The following ZNF384 variants were observed in gnomAD, a reference collection of about 807,000 sequenced individuals.
ZNF384 encodes zinc finger protein 384.
In ZNF384, 20 loss-of-function variants were observed where a neutral mutation model predicts 65.0. The ratio of observed to expected loss-of-function variants is 0.31; its 90% confidence interval spans 0.22 to 0.45. The LOEUF (loss-of-function observed/expected upper bound fraction) is 0.45. Ranked by LOEUF, ZNF384 falls within the 20% of genes least tolerant of loss-of-function variation. The probability of loss-of-function intolerance (pLI) is 1.00; values close to 1 mark genes in which losing one functional copy is unlikely to be tolerated. For missense variants in ZNF384, 549 were observed against 769.4 expected, an observed-to-expected ratio of 0.71 and a Z score of 3.39; for synonymous variants, 310 against 303.9, an observed-to-expected ratio of 1.02 and a Z score of -0.21.
intron 2 of ZNF384, among the ~76,000 whole-genome samples, chr12:6,686,343 T>A (rs1957902156): frequency 1.3e-5 from 2 of 152,176 alleles, no homozygotes; most frequent in African/African-American, 4.8e-5. Flanking sequence ...AACCTCCACC[T>A]CCTGGGTTCA....
chr12:6,680,640 T>G (rs1955570875), intron 2 of ZNF384, among the ~76,000 whole-genome samples: 1 of 142,774 alleles, frequency 7.0e-6, no homozygotes, highest in South Asian at 2.2e-4. Flanking sequence ...AGAGCAAAAT[T>G]CCGTCTCAAA....
rs150282146 is a variant in ZNF384 at position 6,678,269 on chromosome 12, C to T, written c.544G>A (p.Gly182Arg). The T allele has an allele frequency of 1.9e-6, 3 of 1,614,032 alleles. No individual in the cohort carries two copies. The highest frequency in any genetic ancestry group is 2.5e-6 in the Non-Finnish European group (3 of 1,180,042). Residue 182 changes from glycine to arginine, a missense_variant, in exon 6 of 12, where the codon GGA becomes AGA. By Grantham distance (125) the Gly-to-Arg change is moderately radical (BLOSUM62 -2). Around this residue, in one of 5 missense-constraint regions of ZNF384, gnomAD observed 277 missense variants for 337.2 expected, o/e 0.82. Coordinates refer to ENST00000683879, the MANE Select transcript of ZNF384 (RefSeq NM_001385745.1). This position sits in a 1 kb window ranked among gnomAD's most constrained non-coding sequence, Gnocchi z 4.9. ...GGCTTAGGAGCCACACTGCCACCTCCACCACCACCTCCGCCTCCTTCCTCG... is the reference window on the plus strand; with the variant it reads ...GGCTTAGGAGCCACACTGCCACCTCTACCACCACCTCCGCCTCCTTCCTCG... ...LTEEGGGGGG[G>R]GGSVAPKPPR...
chr12:6,681,153 A>C (rs1955780074), intron 2 of ZNF384, among the ~76,000 whole-genome samples: 2 of 147,732 alleles, frequency 1.4e-5, no homozygotes, highest in Admixed American at 6.9e-5. Flanking sequence ...CAGGAGGCGG[A>C]GGTTGCAGTG....
chr12:6,678,098 C>G lies in ZNF384; in HGVS notation c.686+29G>C. The G allele has an allele frequency of 6.3e-7, 1 of 1,584,518 alleles. No individual in the cohort carries two copies. The highest frequency in any genetic ancestry group is 8.6e-7 in the Non-Finnish European group (1 of 1,159,424). On this transcript the variant is annotated intron_variant, in intron 6 of 11. Coordinates refer to ENST00000683879, the MANE Select transcript of ZNF384 (RefSeq NM_001385745.1). The surrounding 1 kb of genome is among the most constrained non-coding windows in gnomAD (Gnocchi z 4.9). ...GAATCACCAAGCCAGGGATCCTCGC[C>G]CCATCCTGCCCCTGGCTCTGAGTCT...
chr12:6,678,244 G>C lies in ZNF384; in HGVS notation c.569C>G (p.Pro190Arg). The C allele has an allele frequency of 6.2e-7, 1 of 1,614,148 alleles. No individual in the cohort carries two copies. The highest frequency in any genetic ancestry group is 1.3e-5 in the African/African-American group (1 of 75,046). The change falls in exon 6 of 12, where the codon CCA becomes CGA. Residue 190 changes from proline (P) to arginine (R), a missense_variant. By Grantham distance (103) the Pro-to-Arg change is moderately radical (BLOSUM62 -2). Around this residue, in one of 5 missense-constraint regions of ZNF384, gnomAD observed 277 missense variants for 337.2 expected, o/e 0.82. Coordinates refer to ENST00000683879, the MANE Select transcript of ZNF384 (RefSeq NM_001385745.1). The surrounding 1 kb of genome is among the most constrained non-coding windows in gnomAD (Gnocchi z 4.9). ...CCGCTTCTTCTTCCGGCCCCGGGGT[G>C]GCTTAGGAGCCACACTGCCACCTCC... ...GGGGGSVAPKPPRGRKKKRML... is the reference protein window; with the variant it reads ...GGGGGSVAPKRPRGRKKKRML...
chr12:6,674,693 G>A (rs1191687634), intron 7 of ZNF384, among the ~76,000 whole-genome samples: 1 of 152,188 alleles, frequency 6.6e-6, no homozygotes, highest in Non-Finnish European at 1.5e-5. Context: ...CAGGATGCCT[G>A]GGTTCTACTC....
intron 2 of ZNF384, 108 bp from the exon 3 acceptor site, chr12:6,679,633 C>T: frequency 1.2e-6 from 1 of 813,458 alleles, no homozygotes; most frequent in Non-Finnish European, 2.0e-6. Context: ...CACCTGATCA[C>T]ATGGCTGGGG....
intron 2 of ZNF384, among the ~76,000 whole-genome samples, chr12:6,685,128 G>A (rs6489729): frequency 1.1e-3 from 164 of 152,220 alleles, no homozygotes; most frequent in South Asian, 6.6e-3. Context: ...TTCAAGAACA[G>A]TCTGGGCAAA....
At chr12:6,682,034 G>A (rs1174690281) in intron 2 of ZNF384, among the ~76,000 whole-genome samples, 1 of 150,134 alleles carries the variant, frequency 6.7e-6, no homozygotes, top group Non-Finnish European at 1.5e-5. Context: ...GCTCATGCTT[G>A]TAATCTCAAC....
At position 6,666,953 on chromosome 12, in the gene ZNF384, G is replaced by C. The variant is rs1052423864; in HGVS notation, c.*761C>G. 1.4e-5 allele frequency: 3 copies of C among 211,784 alleles called. No homozygotes were observed. The highest frequency in any genetic ancestry group is 6.8e-5 in the African/African-American group (3 of 44,000). The allele number at this position is 211,784 out of a possible 1,614,324, so 13.1% of individuals were successfully genotyped here. Reference sequence around the variant, plus strand: ...TTTGGAGTTTCACAGATAACACAAAGCCTCCCACAGCTCCTTGGGGGTGGG... The same window carrying C: ...TTTGGAGTTTCACAGATAACACAAACCCTCCCACAGCTCCTTGGGGGTGGG... On this transcript the variant is annotated 3_prime_UTR_variant, in exon 12 of 12. Transcript: ENST00000683879.
In ZNF384 at chr12:6,673,444, A is replaced by G; in HGVS notation, c.780-4T>C. 6.2e-7 allele frequency: 1 copy of G among 1,613,204 alleles called. No individual in the cohort carries two copies. Among genetic ancestry groups the G allele is most frequent in the Non-Finnish European group, 8.5e-7 (1 of 1,179,668 alleles). On this transcript the variant is annotated splice_region_variant and splice_polypyrimidine_tract_variant and intron_variant, in intron 7 of 11. Transcript: ENST00000683879. This position sits in a 1 kb window ranked among gnomAD's most constrained non-coding sequence, Gnocchi z 4.7. ...TGTCAGTGAGCACATCCGGCACCTG[A>G]GCCAAGTGAGGGCAATGGTTAGAAC...
At chr12:6,680,451 C>G (rs1955498922) in intron 2 of ZNF384, among the ~76,000 whole-genome samples, 1 of 151,890 alleles carries the variant, frequency 6.6e-6, no homozygotes, top group Non-Finnish European at 1.5e-5. Flanking sequence ...AAGTTCGAGA[C>G]CAGGCTGACC....
At chr12:6,681,198 T>G (rs1245624018) in intron 2 of ZNF384, among the ~76,000 whole-genome samples, 4 of 128,792 alleles carry the variant, frequency 3.1e-5, no homozygotes, top group African/African-American at 1.2e-4. Flanking sequence ...GCAACAAGAG[T>G]GAAACGCCAT....
At position 6,667,403 on chromosome 12, in the gene ZNF384, A is replaced by G. The variant is rs1186525632; in HGVS notation, c.*311T>C. ...GATAGGGTAAGTGGCCACACTGGACAAGGTTCTATGAGGTCATAGCAAATC... is the reference window on the plus strand; with the variant it reads ...GATAGGGTAAGTGGCCACACTGGACGAGGTTCTATGAGGTCATAGCAAATC... On this transcript the variant is annotated 3_prime_UTR_variant, in exon 12 of 12. Transcript: ENST00000683879. 1 of 506,052 alleles carries G rather than the reference A, an allele frequency of 2.0e-6. No individual in the cohort carries two copies. The highest frequency in any genetic ancestry group is 3.6e-6 in the Non-Finnish European group (1 of 277,862). The allele number at this position is 506,052 out of a possible 1,614,324, so 31.3% of individuals were successfully genotyped here.
chr12:6,683,495 C>T (rs61919666), intron 2 of ZNF384, among the ~76,000 whole-genome samples: 13 of 148,172 alleles, frequency 8.8e-5, no homozygotes, highest in Non-Finnish European at 1.9e-4. Context: ...CTGGCCAACA[C>T]GGCAAAACCC....
At position 6,679,542 on chromosome 12, in the gene ZNF384, A is replaced by G; in HGVS notation, c.-5-17T>C. Reference sequence around the variant, plus strand: ...CCATTCTACCTGAAGAAAAAATGAGAGAACATGTCACACTCAGGAATTACT... The same window carrying G: ...CCATTCTACCTGAAGAAAAAATGAGGGAACATGTCACACTCAGGAATTACT... On this transcript the variant is annotated splice_polypyrimidine_tract_variant and intron_variant, in intron 2 of 11. Coordinates refer to ENST00000683879, the MANE Select transcript of ZNF384 (RefSeq NM_001385745.1). The G allele has an allele frequency of 6.3e-7, 1 of 1,597,978 alleles. No homozygotes were observed. Among genetic ancestry groups the G allele is most frequent in the Non-Finnish European group, 8.6e-7 (1 of 1,165,674 alleles).
At position 6,667,836 on chromosome 12, in the gene ZNF384, G is replaced by T. The variant is rs145358232; in HGVS notation, c.1705C>A (p.Pro569Thr). 8 of 1,614,108 alleles carry T rather than the reference G, an allele frequency of 5.0e-6. No individual in the cohort carries two copies. Among genetic ancestry groups the T allele is most frequent in the Admixed American group, 3.3e-5 (2 of 60,008 alleles). ...AAGGAACACTGGGGTGGAGGGTTGGGATTGCTGTCCCCACCACCCCCACCC... is the reference window on the plus strand; with the variant it reads ...AAGGAACACTGGGGTGGAGGGTTGGTATTGCTGTCCCCACCACCCCCACCC... ...PQGGGGGDSN[P>T]NPPPQCSFDL... The change falls in exon 12 of 12, where the codon CCC becomes ACC. Residue 569 changes from proline (P) to threonine (T), a missense_variant. Pro to Thr is a conservative substitution (Grantham distance 38). This residue lies in a region of ZNF384 where 136 missense variants were observed against 183.0 expected (regional missense o/e 0.74). Transcript: ENST00000683879.
chr12:6,672,169 C>A lies in ZNF384; in HGVS notation c.1187+181G>T. 3.2e-6 allele frequency: 2 copies of A among 630,170 alleles called. No individual in the cohort carries two copies. The highest frequency in any genetic ancestry group is 6.0e-5 in the Admixed American group (2 of 33,434). The allele number at this position is 630,170 out of a possible 1,614,324, so 39.0% of individuals were successfully genotyped here. A position where few individuals can be genotyped will look rare whatever the true frequency, so the allele number is the denominator to read the frequency against. ...CGACGTAGCTCTTGCCCCAGAGAAG[C>A]TCTGTGTCCACTTGAATCTCCAGTG... On this transcript the variant is annotated intron_variant, in intron 9 of 11. Transcript: ENST00000683879. This position sits in a 1 kb window ranked among gnomAD's most constrained non-coding sequence, Gnocchi z 4.4.
chr12:6,676,466 T>TGA (rs1211660111), intron 7 of ZNF384, among the ~76,000 whole-genome samples: 1 of 152,238 alleles, frequency 6.6e-6, no homozygotes, highest in African/African-American at 2.4e-5. Flanking sequence ...AAAAGCCCCA[T>TGA]GAGGCTTTCT....
Sources: gnomAD v4.1 joint callset for allele counts (sites outside exome capture counted in the v4.1 genomes callset) on GRCh38, gnomAD v4.1.1 for gene constraint, gnomAD v4.1.1 regional missense constraint, Gnocchi (gnomAD v3.1) non-coding constraint, MANE v1.5 for transcripts, NCBI Gene and HGNC (gene_info 2026-07-23, HGNC 2026-07-21) for gene names.